Variants in UBQLN1 observed in about 807,000 individuals in gnomAD.
The protein encoded by UBQLN1 is ubiquilin 1.
A neutral mutation model predicts 65.4 loss-of-function variants in UBQLN1; 13 were observed. The observed-to-expected ratio is 0.20, with a 90% CI of 0.13 to 0.32. The LOEUF (loss-of-function observed/expected upper bound fraction) is 0.32, where lower values mean the gene tolerates loss of function less well. Among genes scored for constraint, UBQLN1 ranks in the 10% least tolerant of loss-of-function variants. The pLI, the probability that UBQLN1 is intolerant of heterozygous loss-of-function variation, is 1.00. For missense variants in UBQLN1, 561 were observed against 724.0 expected (o/e 0.77, Z 2.58); for synonymous variants, 267 against 247.8 (o/e 1.08, Z -0.73).
At chr9:83,687,315 A>T (rs757999895) in intron 1 of UBQLN1, among the ~76,000 whole-genome samples, 7 of 152,258 alleles carry the variant, frequency 4.6e-5, no homozygotes, top group Non-Finnish European at 7.3e-5. Flanking sequence ...AGAAACACTT[A>T]CTTATACTAT....
chr9:83,665,421 C>G (rs560074503), intron 8 of UBQLN1: 17 of 315,688 alleles, frequency 5.4e-5, no homozygotes, highest in African/African-American at 3.6e-4. Context: ...ACAACTATTC[C>G]CCTTCTCCAA....
chr9:83,707,725 G>T lies in UBQLN1; in HGVS notation c.-46C>A. On this transcript the variant is annotated 5_prime_UTR_variant, in exon 1 of 11. Transcript: ENST00000376395. ...CGGTGACTCAGGCAAGCAGGAGGGAGCAGGCGAGCAAGGAGGAGCCAGCAG... is the reference window on the plus strand; with the variant it reads ...CGGTGACTCAGGCAAGCAGGAGGGATCAGGCGAGCAAGGAGGAGCCAGCAG... The T allele has an allele frequency of 6.6e-7, 1 of 1,510,340 alleles. No individual in the cohort carries two copies. Among genetic ancestry groups the T allele is most frequent in the African/African-American group, 1.4e-5 (1 of 70,348 alleles). The allele number at this position is 1,510,340 out of a possible 1,614,324, so 93.6% of individuals were successfully genotyped here.
At chr9:83,680,269 T>G (rs1831918848) in intron 3 of UBQLN1, among the ~76,000 whole-genome samples, 1 of 152,198 alleles carries the variant, frequency 6.6e-6, no homozygotes, top group Non-Finnish European at 1.5e-5. Context: ...TATATTTTCA[T>G]GTATGTAGTA....
intron 7 of UBQLN1, chr9:83,668,050 C>T (rs181978129): frequency 2.0e-6 from 2 of 985,328 alleles, no homozygotes; most frequent in Non-Finnish European, 1.2e-6. Flanking sequence ...GCCAAATACA[C>T]ACTTAAAATG....
chr9:83,669,280 T>C lies in UBQLN1; in HGVS notation c.1153A>G (p.Thr385Ala). 6.2e-7 allele frequency: 1 copy of C among 1,612,272 alleles called. No homozygotes were observed. Among genetic ancestry groups the C allele is most frequent in the Non-Finnish European group, 8.5e-7 (1 of 1,179,678 alleles). ...PGMQSLLQQITENPQLMQNML... is the reference protein window; with the variant it reads ...PGMQSLLQQIAENPQLMQNML... Reference sequence around the variant, plus strand: ...TTTTGCATCAGTTGTGGGTTTTCAGTTATTTGTTGCAACAAGCTCTGCATT... The same window carrying C: ...TTTTGCATCAGTTGTGGGTTTTCAGCTATTTGTTGCAACAAGCTCTGCATT... Residue 385 changes from threonine to alanine, a missense_variant, in exon 7 of 11, where the codon ACT (threonine) becomes GCT (alanine). Physicochemically the swap from Thr to Ala is moderately conservative, Grantham distance 58. This residue lies in a region of UBQLN1 where 102 missense variants were observed against 150.7 expected (regional missense o/e 0.68). Coordinates refer to ENST00000376395, the MANE Select transcript of UBQLN1 (RefSeq NM_013438.5).
intron 1 of UBQLN1, among the ~76,000 whole-genome samples, chr9:83,689,974 T>C (rs375631819): frequency 6.6e-5 from 10 of 152,376 alleles, no homozygotes; most frequent in African/African-American, 2.4e-4. Context: ...AGTTTAAGAC[T>C]GTTAAAGAGC....
At chr9:83,678,178 C>G (rs971058806) in intron 5 of UBQLN1, among the ~76,000 whole-genome samples, 1 of 151,936 alleles carries the variant, frequency 6.6e-6, no homozygotes, top group Non-Finnish European at 1.5e-5. Context: ...CCCACCACCA[C>G]GCCCAGCTAA....
At chr9:83,690,755 A>G (rs1408780295) in intron 1 of UBQLN1, among the ~76,000 whole-genome samples, 1 of 151,302 alleles carries the variant, frequency 6.6e-6, no homozygotes, top group Non-Finnish European at 1.5e-5. Flanking sequence ...CAAAAAAAAA[A>G]ACAAGAACAG....
chr9:83,697,131 G>C (rs1015324635), intron 1 of UBQLN1, among the ~76,000 whole-genome samples: 14 of 152,056 alleles, frequency 9.2e-5, no homozygotes, highest in African/African-American at 3.4e-4. Context: ...AGGCAGTTTG[G>C]GGCAGTGGAT....
At chr9:83,673,507 T>C (rs1831769928) in intron 6 of UBQLN1, among the ~76,000 whole-genome samples, 1 of 136,568 alleles carries the variant, frequency 7.3e-6, no homozygotes, top group South Asian at 2.3e-4. Context: ...ATCATGCTAC[T>C]GCACTCCAGC....
intron 1 of UBQLN1, among the ~76,000 whole-genome samples, chr9:83,707,069 C>T (rs1048798745): frequency 1.3e-5 from 2 of 152,160 alleles, no homozygotes; most frequent in East Asian, 1.9e-4. Flanking sequence ...CAACGAGGAT[C>T]CCACCCACCC....
Position 83,707,865 on chromosome 9 carries a change from G to A in UBQLN1, c.-186C>T, listed in dbSNP as rs577332862. On this transcript the variant is annotated 5_prime_UTR_variant, in exon 1 of 11. Transcript: ENST00000376395. ...GCCCCGGAGCTCGGTGCAGGCTCTGGCGCAGGCCCGGGTCAGGCGCTCGGC... is the reference window on the plus strand; with the variant it reads ...GCCCCGGAGCTCGGTGCAGGCTCTGACGCAGGCCCGGGTCAGGCGCTCGGC... 9 of 850,106 alleles carry A rather than the reference G, an allele frequency of 1.1e-5. No homozygotes were observed. The East Asian group carries it at 1.3e-4, about 13-fold the overall frequency. The allele number at this position is 850,106 out of a possible 1,614,324, so 52.7% of individuals were successfully genotyped here. A position where few individuals can be genotyped will look rare whatever the true frequency, so the allele number is the denominator to read the frequency against.
intron 1 of UBQLN1, among the ~76,000 whole-genome samples, chr9:83,696,477 C>A (rs899607622): frequency 7.9e-5 from 12 of 151,638 alleles, no homozygotes; most frequent in Admixed American, 2.6e-4. Flanking sequence ...TAAAAAAAAA[C>A]CCAATAAGAA....
chr9:83,664,967 ATCTG>A, intron 9 of UBQLN1, 59 bp downstream of exon 9: 1 of 1,211,558 alleles, frequency 8.3e-7, no homozygotes, highest in Non-Finnish European at 1.2e-6. Context: ...ATAATACTAA[ATCTG>A]AAATTCTCAG....
intron 6 of UBQLN1, among the ~76,000 whole-genome samples, chr9:83,675,246 A>G (rs1474994417): frequency 6.6e-6 from 1 of 152,214 alleles, no homozygotes; most frequent in Non-Finnish European, 1.5e-5. Context: ...TTAAAATTTT[A>G]GTAAATGAGA....
chr9:83,675,492 A>G (rs2131154911), intron 6 of UBQLN1, among the ~76,000 whole-genome samples: 1 of 152,268 alleles, frequency 6.6e-6, no homozygotes, highest in South Asian at 2.1e-4. Context: ...AATCACAAGA[A>G]GCAAGACCTC....
At chr9:83,667,537 G>A in intron 7 of UBQLN1, 7 of 985,418 alleles carry the variant, frequency 7.1e-6, no homozygotes, top group Non-Finnish European at 8.4e-6. Context: ...TTATTTCAAA[G>A]TGACCAGTAA....
intron 1 of UBQLN1, among the ~76,000 whole-genome samples, chr9:83,687,515 G>A (rs989240571): frequency 1.3e-5 from 2 of 152,144 alleles, no homozygotes; most frequent in Middle Eastern, 6.3e-3. Flanking sequence ...CAACAGATAA[G>A]GAAATTGCTG....
intron 1 of UBQLN1, among the ~76,000 whole-genome samples, chr9:83,694,071 C>G (rs958973353): frequency 2.6e-5 from 4 of 152,210 alleles, no homozygotes; most frequent in African/African-American, 9.7e-5. Flanking sequence ...CATTGTCACC[C>G]TTTACAAACA....
Sources: gnomAD v4.1 joint callset for allele counts (sites outside exome capture counted in the v4.1 genomes callset) on GRCh38, gnomAD v4.1.1 for gene constraint, gnomAD v4.1.1 regional missense constraint, MANE v1.5 for transcripts, NCBI Gene and HGNC (gene_info 2026-07-23, HGNC 2026-07-21) for gene names.